Variants in ZNF813 observed in about 807,000 individuals in gnomAD.
The protein encoded by ZNF813 is zinc finger protein 813.
In ZNF813, 3 loss-of-function variants were observed where a neutral mutation model predicts 7.2. The ratio of observed to expected loss-of-function variants is 0.42; its 90% CI spans 0.19 to 1.08. ZNF813 has a LOEUF of 1.08. Among genes scored for constraint, ZNF813 ranks in the 50% least tolerant of loss-of-function variants. The pLI is 0.30. For synonymous variants in ZNF813, 227 were observed against 256.3 expected, an observed-to-expected ratio of 0.89 and a Z score of 1.09; for missense variants, 714 against 753.3, an observed-to-expected ratio of 0.95 and a Z score of 0.61.
chr19:53,479,876 T>C, intron 1 of ZNF813: 2 of 1,012,894 alleles, frequency 2.0e-6, no homozygotes, highest in Non-Finnish European at 1.5e-6. Context: ...TGAAGAAAAG[T>C]ACCCTCAAAA....
intron 1 of ZNF813, among the ~76,000 whole-genome samples, chr19:53,471,265 T>G (rs369034486): frequency 6.6e-6 from 1 of 152,142 alleles, no homozygotes; most frequent in Non-Finnish European, 1.5e-5. Flanking sequence ...TGCACAGATC[T>G]AATAGAGACC....
At chr19:53,488,200 T>G in intron 3 of ZNF813, 1 of 453,784 alleles carries the variant, frequency 2.2e-6, no homozygotes, top group Non-Finnish European at 4.4e-6. Context: ...AATTTTGTGT[T>G]TTAATAGACA....
chr19:53,480,849 C>G lies in ZNF813; in HGVS notation c.-73-2901C>G, dbSNP rs551223854. Reference sequence around the variant, plus strand: ...CTTTTGGGGTGGCCAGACCCAACACCAGGCCATGGGGGCTACGAACTCTGG... The same window carrying G: ...CTTTTGGGGTGGCCAGACCCAACACGAGGCCATGGGGGCTACGAACTCTGG... On this transcript the variant is annotated intron_variant, in intron 1 of 3. Coordinates refer to ENST00000396403, the MANE Select transcript of ZNF813 (RefSeq NM_001004301.4). Among the ~76,000 whole-genome samples the G allele has an allele frequency of 9.5e-4, 144 of 152,202 alleles. 1 individual carries two copies. The highest frequency in any genetic ancestry group is 6.8e-3 in the Middle Eastern group (2 of 294).
Position 53,490,836 on chromosome 19 carries a change from C to G in ZNF813, c.604C>G (p.Leu202Val). The change falls in exon 4 of 4, where the codon CTC becomes GTC. Residue 202 changes from leucine to valine, a missense_variant. Transcript: ENST00000396403. ...YGNNFRNSSL[L>V]TQKQEVHMRE... ...GAATAATTTCCGGAATTCTTCGTTA[C>G]TCACACAAAAACAGGAGGTACACAT... The G allele has an allele frequency of 5.6e-6, 9 of 1,614,214 alleles. No homozygotes were observed. Among genetic ancestry groups the G allele is most frequent in the Non-Finnish European group, 7.6e-6 (9 of 1,180,032 alleles).
intron 1 of ZNF813, among the ~76,000 whole-genome samples, chr19:53,469,104 A>G (rs1360702878): frequency 6.6e-6 from 1 of 152,188 alleles, no homozygotes; most frequent in Non-Finnish European, 1.5e-5. Context: ...CTGCCTGCAA[A>G]CATATTGTTA....
chr19:53,482,201 T>G (rs1340991442), intron 1 of ZNF813, among the ~76,000 whole-genome samples: 5 of 151,928 alleles, frequency 3.3e-5, no homozygotes, highest in Admixed American at 2.0e-4. Flanking sequence ...TAAAAAAGAA[T>G]AAAAAAATGC....
rs2086435702 is a variant in ZNF813 at position 53,486,694 on chromosome 19, C to T, written c.78C>T (p.Asp26=). The stretch of plus-strand genomic sequence containing the variant: ...CTCAGGAGGAGTGGAAATGCCTGGA[C>T]CCTGCTCAGAGGACTCTATACAGGG... ...EFSQEEWKCL[D]PAQRTLYRDV... is the part of the protein sequence containing the mutation. Residue 26 remains aspartate (D), a synonymous_variant, in exon 3 of 4, where the codon GAC becomes GAT. Coordinates refer to ENST00000396403, the MANE Select transcript of ZNF813 (RefSeq NM_001004301.4). 2 of 1,613,986 alleles carry T rather than the reference C, an allele frequency of 1.2e-6. No individual in the cohort carries two copies. The highest frequency in any genetic ancestry group is 1.7e-6 in the Non-Finnish European group (2 of 1,179,982).
At position 53,495,563 on chromosome 19, in the gene ZNF813, A is replaced by G. The variant is rs10404744; in HGVS notation, c.*3477A>G. The G allele has an allele frequency of 0.041, 6,168 of 152,072 alleles. 415 individuals carry two copies. Among genetic ancestry groups the G allele is most frequent in the African/African-American group, 0.14 (5,746 of 41,426 alleles). The allele number at this position is 152,072 out of a possible 1,614,324, so 9.4% of individuals were successfully genotyped here. Reference sequence around the variant, plus strand: ...AAAAATTTATCTTGTTTGTGCCACAATGAAGAGGACTGACAGGTAACAGCA... The same window carrying G: ...AAAAATTTATCTTGTTTGTGCCACAGTGAAGAGGACTGACAGGTAACAGCA... On this transcript the variant is annotated 3_prime_UTR_variant, in exon 4 of 4. Transcript: ENST00000396403.
rs2086462053 is a variant in ZNF813 at position 53,491,514 on chromosome 19, C to T, written c.1282C>T (p.Arg428Cys). 7 of 1,613,382 alleles carry T rather than the reference C, an allele frequency of 4.3e-6. No homozygotes were observed. Among genetic ancestry groups the T allele is most frequent in the South Asian group, 2.2e-5 (2 of 91,012 alleles). The change falls in exon 4 of 4, where the codon CGT becomes TGT. Residue 428 changes from arginine (R) to cysteine (C), a missense_variant. Physicochemically the swap from Arg to Cys is radical, Grantham distance 180. Transcript: ENST00000396403. Reference sequence around the variant, plus strand: ...TTTTAATAAAAAGGCAAACCTTGCACGTCATCATAGACTTCATAGTGGAGA... The same window carrying T: ...TTTTAATAAAAAGGCAAACCTTGCATGTCATCATAGACTTCATAGTGGAGA... ...KVFNKKANLA[R>C]HHRLHSGEKP...
chr19:53,477,027 T>C (rs753327085), intron 1 of ZNF813, among the ~76,000 whole-genome samples: 6 of 152,182 alleles, frequency 3.9e-5, no homozygotes, highest in Non-Finnish European at 7.3e-5. Context: ...CATTGTCTTA[T>C]GAAATGCAAA....
intron 1 of ZNF813, among the ~76,000 whole-genome samples, chr19:53,471,212 A>T (rs11666135): frequency 0.32 from 49,280 of 151,982 alleles, 8,745 homozygotes; most frequent in East Asian, 0.41. Context: ...TCAAGTACAC[A>T]AGCCCTTGTC....
At chr19:53,483,424 G>A (rs542844900) in intron 1 of ZNF813, among the ~76,000 whole-genome samples, 125 of 151,980 alleles carry the variant, frequency 8.2e-4, no homozygotes, top group African/African-American at 2.9e-3. Context: ...CTGAGCTCAA[G>A]AGATCTACGC....
chr19:53,473,533 G>C (rs1253687057), intron 1 of ZNF813, among the ~76,000 whole-genome samples: 1 of 152,166 alleles, frequency 6.6e-6, no homozygotes, highest in Non-Finnish European at 1.5e-5. Flanking sequence ...TGACTGTGGT[G>C]GATCTACGGC....
Position 53,491,016 on chromosome 19 carries a change from C to G in ZNF813, c.784C>G (p.Arg262Gly), listed in dbSNP as rs371492727. The change falls in exon 4 of 4, where the codon CGT becomes GGT. Residue 262 changes from arginine to glycine, a missense_variant. Transcript: ENST00000396403. ...FNRKRNLVCH[R>G]RCHTGEKPYR... The stretch of plus-strand genomic sequence containing the variant: ...TCGGAAGCGAAACCTAGTGTGCCAT[C>G]GTAGATGTCACACTGGGGAGAAACC... 5.0e-5 allele frequency: 81 copies of G among 1,613,988 alleles called. No individual in the cohort carries two copies. Among genetic ancestry groups the G allele is most frequent in the Non-Finnish European group, 5.9e-6 (7 of 1,180,004 alleles).
At chr19:53,487,553 G>T (rs534809715) in intron 3 of ZNF813, among the ~76,000 whole-genome samples, 2 of 151,992 alleles carry the variant, frequency 1.3e-5, no homozygotes, top group Non-Finnish European at 2.9e-5. Context: ...ATCCCAGCAC[G>T]TAGAGAGGCC....
rs2086455039 is a variant in ZNF813 at position 53,490,609 on chromosome 19, A to G, written c.377A>G (p.Tyr126Cys). The G allele has an allele frequency of 6.2e-7, 1 of 1,614,210 alleles. No homozygotes were observed. Among genetic ancestry groups the G allele is most frequent in the Non-Finnish European group, 8.5e-7 (1 of 1,180,042 alleles). The change falls in exon 4 of 4, where the codon TAT (tyrosine) becomes TGT (cysteine). Residue 126 changes from tyrosine to cysteine, a missense_variant. Physicochemically the swap from Tyr to Cys is radical, Grantham distance 194. Around this residue, in one of 3 missense-constraint regions of ZNF813, gnomAD observed 563 missense variants for 554.2 expected, o/e 1.02. Coordinates refer to ENST00000396403, the MANE Select transcript of ZNF813 (RefSeq NM_001004301.4). ...AAGTTGACTGGTAGTGCAGACCGATATGATCAAAGGCATGCTGGAAACAAG... is the reference window on the plus strand; with the variant it reads ...AAGTTGACTGGTAGTGCAGACCGATGTGATCAAAGGCATGCTGGAAACAAG... ...IKKLTGSADR[Y>C]DQRHAGNKPI... is the part of the protein sequence containing the mutation.
chr19:53,469,512 A>G (rs972281543), intron 1 of ZNF813, among the ~76,000 whole-genome samples: 4 of 152,204 alleles, frequency 2.6e-5, no homozygotes, highest in African/African-American at 7.2e-5. Flanking sequence ...GGCAAAGTAG[A>G]GAATGGGTGA....
In ZNF813 at chr19:53,491,472, A is replaced by G; in HGVS notation, c.1240A>G (p.Asn414Asp). The change falls in exon 4 of 4, where the codon AAT (asparagine) becomes GAT (aspartate). Residue 414 changes from asparagine to aspartate, a missense_variant. Around this residue, in one of 3 missense-constraint regions of ZNF813, gnomAD observed 563 missense variants for 554.2 expected, o/e 1.02. Transcript: ENST00000396403. ...LHTGEKPYKCNECGKVFNKKA... is the reference protein window; with the variant it reads ...LHTGEKPYKCDECGKVFNKKA... ...TACCGGAGAGAAGCCTTACAAGTGT[A>G]ATGAATGTGGCAAGGTTTTTAATAA... 1 of 1,614,134 alleles carries G rather than the reference A, an allele frequency of 6.2e-7. No individual in the cohort carries two copies. Among genetic ancestry groups the G allele is most frequent in the Non-Finnish European group, 8.5e-7 (1 of 1,180,000 alleles).
intron 1 of ZNF813, among the ~76,000 whole-genome samples, chr19:53,472,652 G>A (rs2086365311): frequency 8.2e-6 from 1 of 121,686 alleles, no homozygotes; most frequent in Admixed American, 1.0e-4. Context: ...CACTCTTGTT[G>A]CCCAGGCTGG....
Sources: allele counts gnomAD v4.1 joint callset (sites outside exome capture counted in the v4.1 genomes callset), GRCh38; gene constraint gnomAD v4.1.1; regional missense constraint gnomAD v4.1.1; transcripts MANE v1.5; gene names NCBI Gene and HGNC (gene_info 2026-07-23, HGNC 2026-07-21).